ENTREP2: variants seen among roughly 807,000 people sequenced by gnomAD.
ENTREP2 encodes the protein endosomal transmembrane epsin interactor 2.
At chr15:29,119,645 AAAT>A in the ENTREP2 span, among the ~76,000 whole-genome samples, 2,482 of 6,952 alleles carry the variant, frequency 0.36, 724 homozygotes, top group South Asian at 0.84. Context: ...AAATAAAATA[AAAT>A]AATAAAATAA....
the ENTREP2 span, among the ~76,000 whole-genome samples, chr15:29,545,672 G>C: frequency 2.0e-5 from 3 of 152,064 alleles, no homozygotes; most frequent in Admixed American, 6.5e-5. Flanking sequence ...CGTCATTTTT[G>C]CCACAGTGTA....
chr15:29,217,639 T>C, the ENTREP2 span, among the ~76,000 whole-genome samples: 23 of 152,182 alleles, frequency 1.5e-4, no homozygotes, highest in African/African-American at 5.5e-4. Context: ...TCTATTTCCA[T>C]GAATATTTCT....
the ENTREP2 span, among the ~76,000 whole-genome samples, chr15:29,393,946 G>GA: frequency 6.6e-6 from 1 of 151,706 alleles, no homozygotes; most frequent in Non-Finnish European, 1.5e-5. Flanking sequence ...TTTTCCCCTG[G>GA]AAAAAAATAT....
chr15:29,343,028 G>GGGGGT, the ENTREP2 span, among the ~76,000 whole-genome samples: 5 of 26,812 alleles, frequency 1.9e-4, no homozygotes, highest in African/African-American at 2.9e-4. Flanking sequence ...AAAAAGGAAT[G>GGGGGT]GGGGGGGTGG....
the ENTREP2 span, among the ~76,000 whole-genome samples, chr15:29,548,812 C>T: frequency 1.3e-5 from 2 of 152,158 alleles, no homozygotes; most frequent in Admixed American, 1.3e-4. Flanking sequence ...ATCCTCTATA[C>T]TGGTCTATAC....
the ENTREP2 span, among the ~76,000 whole-genome samples, chr15:29,636,875 G>A: frequency 6.6e-6 from 1 of 152,140 alleles, no homozygotes; most frequent in Non-Finnish European, 1.5e-5. Context: ...GAGAGATTTA[G>A]AGTGACTTAT....
At chr15:29,647,246 A>G in the ENTREP2 span, among the ~76,000 whole-genome samples, 1 of 152,232 alleles carries the variant, frequency 6.6e-6, no homozygotes, top group Admixed American at 6.5e-5. Context: ...ACACAGGTAG[A>G]TCCTCTCAAG....
At chr15:29,400,749 A>G in the ENTREP2 span, among the ~76,000 whole-genome samples, 2 of 152,386 alleles carry the variant, frequency 1.3e-5, no homozygotes, top group South Asian at 2.1e-4. Context: ...TTATGGCTAA[A>G]AAAACCCACA....
the ENTREP2 span, among the ~76,000 whole-genome samples, chr15:29,308,543 T>C: frequency 0.51 from 76,927 of 151,982 alleles, 22,348 homozygotes; most frequent in African/African-American, 0.82. Context: ...TTACCAGCGG[T>C]GCGGCCCTAG....
At chr15:29,490,052 T>G in the ENTREP2 span, among the ~76,000 whole-genome samples, 1 of 152,218 alleles carries the variant, frequency 6.6e-6, no homozygotes, top group Non-Finnish European at 1.5e-5. Context: ...AATTATATAG[T>G]CAAAGGTGGT....
the ENTREP2 span, among the ~76,000 whole-genome samples, chr15:29,608,733 A>G: frequency 6.6e-6 from 1 of 151,128 alleles, no homozygotes; most frequent in East Asian, 2.0e-4. Context: ...CACCTGGCTA[A>G]TTTTTTTGTA....
At chr15:29,404,339 C>T in the ENTREP2 span, among the ~76,000 whole-genome samples, 1 of 151,860 alleles carries the variant, frequency 6.6e-6, no homozygotes, top group East Asian at 1.9e-4. Context: ...ATGAAGGGAA[C>T]CCCCCCATCT....
At chr15:29,507,027 A>G in the ENTREP2 span, among the ~76,000 whole-genome samples, 1 of 152,202 alleles carries the variant, frequency 6.6e-6, no homozygotes, top group Non-Finnish European at 1.5e-5. Context: ...ACATGCAAAG[A>G]CACACTAGGC....
At chr15:29,609,622 C>A in the ENTREP2 span, 8 of 147,968 alleles carry the variant, frequency 5.4e-5, no homozygotes, top group Non-Finnish European at 1.0e-4. Context: ...ATTGCCCAAT[C>A]TATAATATTA....
At chr15:29,466,695 T>G in the ENTREP2 span, among the ~76,000 whole-genome samples, 204 of 92,414 alleles carry the variant, frequency 2.2e-3, no homozygotes, top group Non-Finnish European at 3.4e-3. Context: ...CCGGGGAGGA[T>G]GCTGATGGCC....
the ENTREP2 span, among the ~76,000 whole-genome samples, chr15:29,499,648 T>C: frequency 0.025 from 3,837 of 152,148 alleles, 155 homozygotes; most frequent in African/African-American, 0.089. Context: ...AGTGCTGAGA[T>C]TACAAGTGTG....
At chr15:29,129,123 G>A in the ENTREP2 span, among the ~76,000 whole-genome samples, 3 of 152,206 alleles carry the variant, frequency 2.0e-5, no homozygotes, top group Non-Finnish European at 2.9e-5. Flanking sequence ...GAGTGCAATG[G>A]CACGATCTCA....
the ENTREP2 span, among the ~76,000 whole-genome samples, chr15:29,544,222 T>C: frequency 6.6e-6 from 1 of 152,010 alleles, no homozygotes; most frequent in South Asian, 2.1e-4. Context: ...GCCAGAAAAA[T>C]AGGCATTAGA....
the ENTREP2 span, chr15:29,235,121 G>A: frequency 1.0e-6 from 1 of 1,000,950 alleles, no homozygotes; most frequent in Non-Finnish European, 1.6e-6. Flanking sequence ...ATGTGGGCAG[G>A]AGCCACCCCG....
Sources: gnomAD v4.1 joint callset for allele counts (sites outside exome capture counted in the v4.1 genomes callset) on GRCh38, gnomAD v4.1.1 for gene constraint, MANE v1.5 for transcripts, NCBI Gene and HGNC (gene_info 2026-07-23, HGNC 2026-07-21) for gene names.